Variants in AOAH observed in about 807,000 individuals in gnomAD.
AOAH encodes the protein acyloxyacyl hydrolase.
In AOAH, 64 loss-of-function variants were observed where a neutral mutation model predicts 92.2. The observed-to-expected ratio is 0.69, with a 90% CI of 0.57 to 0.86. The LOEUF (loss-of-function observed/expected upper bound fraction) is 0.86. Ranked by LOEUF, AOAH falls within the 40% of genes least tolerant of loss-of-function variation. The pLI, the probability that AOAH is intolerant of heterozygous loss-of-function variation, is 0.00. For missense variants in AOAH, 656 were observed against 694.6 expected (o/e 0.94, Z 0.62); for synonymous variants, 263 against 254.5 (o/e 1.03, Z -0.32).
At chr7:36,565,898 A>G (rs146806117) in intron 13 of AOAH, among the ~76,000 whole-genome samples, 19 of 152,172 alleles carry the variant, frequency 1.2e-4, no homozygotes, top group African/African-American at 4.3e-4. Context: ...AATCCACAAT[A>G]ACACTATTGC....
intron 9 of AOAH, among the ~76,000 whole-genome samples, chr7:36,619,501 T>G (rs1792133038): frequency 6.6e-6 from 1 of 152,190 alleles, no homozygotes; most frequent in Non-Finnish European, 1.5e-5. Flanking sequence ...TTAGTCTCCT[T>G]TGTCCTCCAA....
At chr7:36,569,084 C>T (rs1302653520) in intron 13 of AOAH, among the ~76,000 whole-genome samples, 1 of 152,170 alleles carries the variant, frequency 6.6e-6, no homozygotes, top group African/African-American at 2.4e-5. Flanking sequence ...GTCCTCTGCT[C>T]TCTGCCCTCC....
At chr7:36,560,976 G>C (rs1226209329) in intron 13 of AOAH, among the ~76,000 whole-genome samples, 1 of 151,968 alleles carries the variant, frequency 6.6e-6, no homozygotes, top group East Asian at 1.9e-4. Flanking sequence ...AGATGAGGTG[G>C]ACACAGCCTC....
intron 1 of AOAH, among the ~76,000 whole-genome samples, chr7:36,703,233 G>T (rs1031757890): frequency 1.3e-5 from 2 of 152,042 alleles, no homozygotes; most frequent in African/African-American, 4.8e-5. Context: ...ATCAACGTTT[G>T]CCAAACTCCT....
chr7:36,696,284 A>G (rs1489169761), intron 1 of AOAH, among the ~76,000 whole-genome samples: 2 of 152,198 alleles, frequency 1.3e-5, no homozygotes, highest in African/African-American at 4.8e-5. Context: ...CATAAATTTT[A>G]GAATCAGTTT....
intron 19 of AOAH, 145 bp from the exon 20 acceptor site, chr7:36,522,260 G>T: frequency 1.6e-6 from 1 of 640,810 alleles, no homozygotes; most frequent in Non-Finnish European, 2.8e-6. Flanking sequence ...CTCTTGCACT[G>T]GGGGATTTCT....
At chr7:36,703,013 C>A (rs1798123529) in intron 1 of AOAH, among the ~76,000 whole-genome samples, 1 of 152,180 alleles carries the variant, frequency 6.6e-6, no homozygotes, top group Non-Finnish European at 1.5e-5. Flanking sequence ...TTCACAGCTT[C>A]TTCAGAGTAG....
At chr7:36,723,733 T>C (rs1433869327) in intron 1 of AOAH, among the ~76,000 whole-genome samples, 1 of 152,080 alleles carries the variant, frequency 6.6e-6, no homozygotes, top group African/African-American at 2.4e-5. Context: ...CAGACTAAAA[T>C]AGCCTGAAAT....
intron 19 of AOAH, among the ~76,000 whole-genome samples, chr7:36,527,407 T>C (rs1784455689): frequency 6.6e-6 from 1 of 152,202 alleles, no homozygotes. Context: ...ACTGCAGACT[T>C]AATAAGTGAC....
chr7:36,637,922 AAGTT>A lies in AOAH; in HGVS notation c.391-16_391-13del, dbSNP rs776180411. ...AATTTCCATGTCTCCTATAAAAACA[AAGTT>A]AGAGAACATTACAACTCATGTTTTA... On this transcript the variant is annotated splice_polypyrimidine_tract_variant and intron_variant, in intron 4 of 20. Coordinates refer to ENST00000617537, the MANE Select transcript of AOAH (RefSeq NM_001637.4). 2 of 1,602,830 alleles carry A rather than the reference AAGTT, an allele frequency of 1.2e-6. No individual in the cohort carries two copies. Among genetic ancestry groups the A allele is most frequent in the Non-Finnish European group, 1.7e-6 (2 of 1,169,796 alleles).
At chr7:36,667,113 C>T (rs1007547151) in intron 3 of AOAH, among the ~76,000 whole-genome samples, 1 of 152,026 alleles carries the variant, frequency 6.6e-6, no homozygotes, top group African/African-American at 2.4e-5. Flanking sequence ...TACAGTAGTC[C>T]CCCCTTATCT....
At position 36,516,504 on chromosome 7, in the gene AOAH, T is replaced by C. The variant is rs1401113205; in HGVS notation, c.1600-3124A>G. 2.1e-5 allele frequency among the ~76,000 whole-genome samples: 3 copies of C among 145,478 alleles called. No individual in the cohort carries two copies. The East Asian group carries it at 6.3e-4, about 31-fold the overall frequency. Reference sequence around the variant, plus strand: ...ACACACACAGAAAGCGCACACAGCATTCACACCCCACATATACTTCTTTGC... The same window carrying C: ...ACACACACAGAAAGCGCACACAGCACTCACACCCCACATATACTTCTTTGC... On this transcript the variant is annotated intron_variant, in intron 20 of 20. Transcript: ENST00000617537. This position sits in a 1 kb window ranked among gnomAD's most constrained non-coding sequence, Gnocchi z 5.0.
At chr7:36,633,636 A>G (rs946887361) in intron 5 of AOAH, among the ~76,000 whole-genome samples, 1 of 152,174 alleles carries the variant, frequency 6.6e-6, no homozygotes, top group African/African-American at 2.4e-5. Flanking sequence ...GGAAGGAGAC[A>G]GGACGGGGAG....
At chr7:36,681,191 T>C (rs1275706234) in intron 2 of AOAH, among the ~76,000 whole-genome samples, 2 of 152,240 alleles carry the variant, frequency 1.3e-5, no homozygotes, top group East Asian at 3.8e-4. Flanking sequence ...TTCACTGTTT[T>C]CCTTCTGTAA....
chr7:36,679,667 A>AT (rs1209797691), intron 2 of AOAH, among the ~76,000 whole-genome samples: 9 of 148,762 alleles, frequency 6.0e-5, no homozygotes, highest in Non-Finnish European at 8.9e-5. Context: ...CCACATAATT[A>AT]TTTTTTTTTG....
chr7:36,601,036 A>G (rs1226042757), intron 11 of AOAH, among the ~76,000 whole-genome samples: 1 of 150,642 alleles, frequency 6.6e-6, no homozygotes, highest in Admixed American at 6.6e-5. Context: ...TGACATACCC[A>G]GGGGAAAGGC....
chr7:36,522,904 C>A (rs933252969), intron 19 of AOAH, among the ~76,000 whole-genome samples: 5 of 152,138 alleles, frequency 3.3e-5, no homozygotes, highest in Admixed American at 1.3e-4. Context: ...CTCTTCATTC[C>A]CCAGAAAACT....
intron 11 of AOAH, among the ~76,000 whole-genome samples, chr7:36,610,968 A>G (rs1381943086): frequency 1.3e-5 from 2 of 152,206 alleles, no homozygotes; most frequent in Non-Finnish European, 1.5e-5. Context: ...ACCACCCCGG[A>G]CGCACGGGTG....
chr7:36,724,404 C>T lies in AOAH; in HGVS notation c.-256G>A. 2.8e-6 allele frequency: 1 copy of T among 356,894 alleles called. No homozygotes were observed. The highest frequency in any genetic ancestry group is 5.4e-6 in the Non-Finnish European group (1 of 184,216). The allele number at this position is 356,894 out of a possible 1,614,324, so 22.1% of individuals were successfully genotyped here. On this transcript the variant is annotated 5_prime_UTR_variant, in exon 1 of 21. Transcript: ENST00000617537. ...CCACACACAAAGAGCTGGAGGGAGT[C>T]TGTGGTGTGCGGTTCTGCTGAGGTA... is the stretch of plus-strand genomic sequence containing the variant.
Sources: gnomAD v4.1 joint callset for allele counts (sites outside exome capture counted in the v4.1 genomes callset) on GRCh38, gnomAD v4.1.1 for gene constraint, Gnocchi (gnomAD v3.1) non-coding constraint, MANE v1.5 for transcripts, NCBI Gene and HGNC (gene_info 2026-07-23, HGNC 2026-07-21) for gene names.